Variants in PARD3 observed in about 807,000 individuals in gnomAD.
PARD3 encodes the protein par-3 family cell polarity regulator.
A neutral mutation model predicts 155.4 loss-of-function variants in PARD3; 75 were observed. The observed-to-expected ratio is 0.48, with a 90% CI of 0.40 to 0.58. The LOEUF (loss-of-function observed/expected upper bound fraction) is 0.58. PARD3 is among the 20% of genes least tolerant of loss of function. The pLI, the probability that PARD3 is intolerant of heterozygous loss-of-function variation, is 0.00. For synonymous variants in PARD3, 576 were observed against 610.5 expected (o/e 0.94, Z 0.83); for missense variants, 1,642 against 1,721.7 (o/e 0.95, Z 0.82).
At chr10:34,330,406 G>C (rs763264474) in intron 19 of PARD3, among the ~76,000 whole-genome samples, 7 of 151,664 alleles carry the variant, frequency 4.6e-5, no homozygotes, top group Non-Finnish European at 8.8e-5. Flanking sequence ...TAATAATCTT[G>C]GCTTTAAATA....
At chr10:34,445,947 T>C (rs773968) in intron 5 of PARD3, among the ~76,000 whole-genome samples, 76,538 of 151,968 alleles carry the variant, frequency 0.5, 22,366 homozygotes, top group African/African-American at 0.82. Context: ...GCAGCCCCAG[T>C]TCCAGGGGTC....
intron 22 of PARD3, among the ~76,000 whole-genome samples, chr10:34,145,363 G>A (rs1948458189): frequency 6.6e-6 from 1 of 150,570 alleles, no homozygotes; most frequent in Non-Finnish European, 1.5e-5. Flanking sequence ...TTCTGGAAAA[G>A]ATTCTTGTGT....
chr10:34,411,568 G>C (rs115662148), intron 5 of PARD3, among the ~76,000 whole-genome samples: 1 of 152,070 alleles, frequency 6.6e-6, no homozygotes, highest in Non-Finnish European at 1.5e-5. Context: ...GATCTTCTGG[G>C]GGACTAGAGC....
intron 2 of PARD3, among the ~76,000 whole-genome samples, chr10:34,632,437 T>C (rs2092309667): frequency 6.6e-6 from 1 of 152,206 alleles, no homozygotes; most frequent in South Asian, 2.1e-4. Flanking sequence ...ACTTTTCTCC[T>C]AAGCAAATCA....
intron 1 of PARD3, among the ~76,000 whole-genome samples, chr10:34,715,458 C>T (rs1285910263): frequency 1.3e-5 from 2 of 152,238 alleles, no homozygotes; most frequent in East Asian, 3.9e-4. Flanking sequence ...GCCATGAAGT[C>T]CACAGGATCT....
chr10:34,572,298 G>A (rs2086478091), intron 2 of PARD3, among the ~76,000 whole-genome samples: 1 of 151,986 alleles, frequency 6.6e-6, no homozygotes, highest in Admixed American at 6.6e-5. Flanking sequence ...CTTCAGCTTA[G>A]GAGTTTGAGA....
At chr10:34,157,049 T>C (rs1949042873) in intron 22 of PARD3, among the ~76,000 whole-genome samples, 1 of 152,196 alleles carries the variant, frequency 6.6e-6, no homozygotes, top group South Asian at 2.1e-4. Flanking sequence ...AACTGAATTG[T>C]AAAAACCTCA....
chr10:34,662,924 C>T (rs1419421276), intron 2 of PARD3, among the ~76,000 whole-genome samples: 2 of 150,066 alleles, frequency 1.3e-5, no homozygotes, highest in Admixed American at 6.6e-5. Flanking sequence ...GTGAAACAAG[C>T]CAGGCACAGA....
At chr10:34,681,769 T>TATATATATATATA (rs1491145185) in intron 2 of PARD3, among the ~76,000 whole-genome samples, 9 of 14,540 alleles carry the variant, frequency 6.2e-4, no homozygotes, top group Non-Finnish European at 6.6e-4. Context: ...TATATATATA[T>TATATATATATATA]TTTTTTTTTT....
At chr10:34,120,709 A>G in intron 23 of PARD3, among the ~76,000 whole-genome samples, 1 of 152,024 alleles carries the variant, frequency 6.6e-6, no homozygotes, top group Non-Finnish European at 1.5e-5. Context: ...CCCAAAAGCT[A>G]CTCGCTACTT....
intron 1 of PARD3, among the ~76,000 whole-genome samples, chr10:34,716,536 T>C (rs374993423): frequency 1.7e-4 from 25 of 151,396 alleles, no homozygotes; most frequent in Middle Eastern, 3.4e-3. Context: ...GAAAGCAAGC[T>C]TGTCCAACCT....
intron 5 of PARD3, among the ~76,000 whole-genome samples, chr10:34,434,648 G>A (rs2076101503): frequency 6.6e-6 from 1 of 152,212 alleles, no homozygotes; most frequent in East Asian, 1.9e-4. Context: ...GCAGTGTTGT[G>A]TAGTGACCCA....
chr10:34,332,504 A>G (rs561545751), intron 18 of PARD3, among the ~76,000 whole-genome samples: 1 of 152,354 alleles, frequency 6.6e-6, no homozygotes, highest in East Asian at 1.9e-4. Context: ...ATTACCCAGA[A>G]GACAAATAGT....
At chr10:34,779,881 C>T (rs150430365) in intron 1 of PARD3, among the ~76,000 whole-genome samples, 3 of 152,352 alleles carry the variant, frequency 2.0e-5, no homozygotes, top group African/African-American at 7.2e-5. Context: ...GTCCTATACA[C>T]AGGCAAATTC....
chr10:34,434,188 A>T (rs531104399), intron 5 of PARD3, among the ~76,000 whole-genome samples: 2 of 152,314 alleles, frequency 1.3e-5, no homozygotes, highest in African/African-American at 4.8e-5. Context: ...AACAGGGTAG[A>T]TCTGGAGACT....
intron 2 of PARD3, among the ~76,000 whole-genome samples, chr10:34,520,423 C>T (rs2082074127): frequency 6.6e-6 from 1 of 151,942 alleles, no homozygotes; most frequent in Admixed American, 6.6e-5. Context: ...GAAAAGAAGT[C>T]CTTAATAGTT....
Position 34,700,271 on chromosome 10 carries a change from C to T in PARD3, c.121-3852G>A, listed in dbSNP as rs567225405. ...ATAAAGAACATCAACTTCACCTTGC[C>T]TAGTGCTAGACAAAACATTTCCTAA... On this transcript the variant is annotated intron_variant, in intron 1 of 24. Transcript: ENST00000374788. Among the ~76,000 whole-genome samples, 226 of 152,176 alleles carry T rather than the reference C, an allele frequency of 1.5e-3. 2 individuals carry two copies. The highest frequency in any genetic ancestry group is 0.014 in the South Asian group (66 of 4,806).
intron 1 of PARD3, among the ~76,000 whole-genome samples, chr10:34,777,662 C>T (rs963441563): frequency 3.9e-5 from 6 of 152,008 alleles, no homozygotes; most frequent in African/African-American, 1.5e-4. Context: ...TCCTGAGTAG[C>T]TGGAACTACA....
chr10:34,666,796 A>AAAAAAAAAAAT (rs1358640964), intron 2 of PARD3, among the ~76,000 whole-genome samples: 1,308 of 66,488 alleles, frequency 0.02, 53 homozygotes, highest in Non-Finnish European at 0.029. Context: ...AAAAAAAAAA[A>AAAAAAAAAAAT]ATATATATAT....
Sources: gnomAD v4.1 joint callset for allele counts (sites outside exome capture counted in the v4.1 genomes callset) on GRCh38, gnomAD v4.1.1 for gene constraint, MANE v1.5 for transcripts, NCBI Gene and HGNC (gene_info 2026-07-23, HGNC 2026-07-21) for gene names.